The following ZNF454 variants were observed in gnomAD, a reference collection of about 807,000 sequenced individuals.
ZNF454 encodes zinc finger protein 454.
Under a neutral mutation model 48.2 loss-of-function variants are expected in ZNF454, and 30 were observed. The observed-to-expected ratio is 0.62, with a 90% CI of 0.47 to 0.84. The LOEUF is 0.84. ZNF454 is among the 40% of genes least tolerant of loss of function. ZNF454 has a pLI of 0.00. For synonymous variants in ZNF454, 204 were observed against 211.4 expected, an observed-to-expected ratio of 0.97 and a Z score of 0.30; for missense variants, 510 against 623.1, an observed-to-expected ratio of 0.82 and a Z score of 1.93.
intron 4 of ZNF454, among the ~76,000 whole-genome samples, chr5:178,959,736 G>A (rs1759921592): frequency 6.6e-6 from 1 of 151,640 alleles, no homozygotes; most frequent in Non-Finnish European, 1.5e-5. Flanking sequence ...CTCCTGAGTA[G>A]CTGGGACTAC....
chr5:178,983,481 G>T, the ZNF454 span: 6 of 669,408 alleles, frequency 9.0e-6, no homozygotes. Flanking sequence ...CGTATATGTT[G>T]GCAACATCAG....
chr5:178,985,458 C>T, the ZNF454 span, among the ~76,000 whole-genome samples: 53 of 151,276 alleles, frequency 3.5e-4, 1 homozygote, highest in South Asian at 9.0e-3. Context: ...CATCCCAGCA[C>T]TTTGGGAGGC....
At position 178,942,738 on chromosome 5, in the gene ZNF454, C is replaced by T. The variant is rs769594790; in HGVS notation, c.-54C>T. The T allele has an allele frequency of 2.5e-6, 4 of 1,610,618 alleles. No homozygotes were observed. Among genetic ancestry groups the T allele is most frequent in the Non-Finnish European group, 3.4e-6 (4 of 1,177,162 alleles). On this transcript the variant is annotated 5_prime_UTR_variant, in exon 2 of 5. Coordinates refer to ENST00000519564, the MANE Select transcript of ZNF454 (RefSeq NM_001178089.3). ...AGTCCTGCAGGTGTGAAGCTCCACA[C>T]CTGCCTCCATAGCACTTTGCCTGTC...
chr5:178,983,955 T>G, the ZNF454 span, among the ~76,000 whole-genome samples: 1 of 152,222 alleles, frequency 6.6e-6, no homozygotes, highest in Non-Finnish European at 1.5e-5. Context: ...CCAGCCTGCA[T>G]GCCAGTGCCA....
At chr5:178,948,593 G>A (rs1476705160) in intron 4 of ZNF454, among the ~76,000 whole-genome samples, 1 of 152,118 alleles carries the variant, frequency 6.6e-6, no homozygotes, top group African/African-American at 2.4e-5. Context: ...CCACAGTTCA[G>A]TGCATCTGGG....
At chr5:178,966,934 A>G (rs1408985991), downstream of ZNF454, among the ~76,000 whole-genome samples, 1 of 152,198 alleles carries the variant, frequency 6.6e-6, no homozygotes, top group Non-Finnish European at 1.5e-5. Flanking sequence ...AACTGTCTGC[A>G]TGGTGCCACC....
At chr5:178,985,824 C>T in the ZNF454 span, 946 of 525,576 alleles carry the variant, frequency 1.8e-3, 4 homozygotes, top group Admixed American at 2.9e-3. Flanking sequence ...TGTAGTGGTG[C>T]GATCTTGGCT....
the ZNF454 span, chr5:178,986,876 G>A: frequency 8.7e-6 from 14 of 1,613,834 alleles, no homozygotes; most frequent in Non-Finnish European, 1.2e-5. Flanking sequence ...CCCACTGCCT[G>A]GTACCCGCCA....
chr5:178,964,694 A>C lies in ZNF454; in HGVS notation c.290A>C (p.Lys97Thr). ...TMPASKKSTV[K>T]AEIPEEELDQ... Reference sequence around the variant, plus strand: ...CCTGCCAGTAAGAAATCTACTGTCAAGGCAGAGATTCCTGAAGAAGAATTG... The same window carrying C: ...CCTGCCAGTAAGAAATCTACTGTCACGGCAGAGATTCCTGAAGAAGAATTG... Residue 97 changes from lysine to threonine, a missense_variant, in exon 5 of 5, where the codon AAG becomes ACG. Lys to Thr is a moderately conservative substitution (Grantham distance 78). This residue lies in a region of ZNF454 where 354 missense variants were observed against 408.9 expected (regional missense o/e 0.87). Coordinates refer to ENST00000519564, the MANE Select transcript of ZNF454 (RefSeq NM_001178089.3). The C allele has an allele frequency of 6.2e-7, 1 of 1,614,202 alleles. No individual in the cohort carries two copies. The highest frequency in any genetic ancestry group is 8.5e-7 in the Non-Finnish European group (1 of 1,180,010).
In ZNF454 at chr5:178,946,788, A is replaced by C. The variant is rs907073338; in HGVS notation, c.161-109A>C. ...AACACACCTGACCCTGGGCTTTCCT[A>C]TCAAGTCCCATTTCCCAGCAAGCTC... is the stretch of plus-strand genomic sequence containing the variant. On this transcript the variant is annotated intron_variant, in intron 3 of 4. Transcript: ENST00000519564. This position sits in a 1 kb window ranked among gnomAD's most constrained non-coding sequence, Gnocchi z 4.5. 1 of 1,043,958 alleles carries C rather than the reference A, an allele frequency of 9.6e-7. No individual in the cohort carries two copies. Among genetic ancestry groups the C allele is most frequent in the African/African-American group, 1.6e-5 (1 of 62,906 alleles). The allele number at this position is 1,043,958 out of a possible 1,614,324, so 64.7% of individuals were successfully genotyped here.
chr5:178,986,163 C>CT, the ZNF454 span: 1 of 1,613,876 alleles, frequency 6.2e-7, no homozygotes, highest in Non-Finnish European at 8.5e-7. Flanking sequence ...TGATGACCAG[C>CT]TGTGAGGTGG....
chr5:178,947,075 C>T, intron 4 of ZNF454, 89 bp downstream of exon 4: 2 of 1,031,202 alleles, frequency 1.9e-6, no homozygotes, highest in South Asian at 1.4e-5. Context: ...TGCAGATGCA[C>T]CTGCCTGAGG....
the ZNF454 span, chr5:178,983,701 G>T: frequency 2.8e-6 from 1 of 356,530 alleles, no homozygotes; most frequent in Non-Finnish European, 5.6e-6. Flanking sequence ...GCACTCAGTG[G>T]GGAGGAGCAG....
chr5:178,963,914 C>T (rs1007651326), intron 4 of ZNF454, among the ~76,000 whole-genome samples: 41 of 151,770 alleles, frequency 2.7e-4, no homozygotes, highest in African/African-American at 8.7e-4. Flanking sequence ...TACCAAGTGT[C>T]GACTACTATT....
chr5:178,986,616 G>A, the ZNF454 span: 11 of 1,603,582 alleles, frequency 6.9e-6, no homozygotes, highest in Non-Finnish European at 8.5e-6. Flanking sequence ...CCTGGAAGCG[G>A]TACCCGTCAC....
At chr5:178,981,704 T>C in the ZNF454 span, 1 of 1,613,756 alleles carries the variant, frequency 6.2e-7, no homozygotes. This position sits in a 1 kb window ranked among gnomAD's most constrained non-coding sequence, Gnocchi z 5.1. Context: ...GCTGCCACCG[T>C]GGAGGTGGCC....
In ZNF454 at chr5:178,961,159, G is replaced by A. The variant is rs532678478; in HGVS notation, c.251-3496G>A. Among the ~76,000 whole-genome samples the A allele has an allele frequency of 1.1e-4, 16 of 151,488 alleles. 1 individual carries two copies. In the South Asian group the frequency reaches 3.3e-3, roughly 32 times the overall value. ...TTGGCCAGGATGGTCTCAATCTCTT[G>A]ACCTCGTGATCTGTCCGCCTCAGCC... On this transcript the variant is annotated intron_variant, in intron 4 of 4. Transcript: ENST00000519564.
In ZNF454 at chr5:178,943,164, A is replaced by G. The variant is rs149196410; in HGVS notation, c.33+340A>G. ...AGTCCCTTTTTACATTGCTCTAAATAAATATCTGAGGCTGGGGAATTGATA... is the reference window on the plus strand; with the variant it reads ...AGTCCCTTTTTACATTGCTCTAAATGAATATCTGAGGCTGGGGAATTGATA... On this transcript the variant is annotated intron_variant, in intron 2 of 4. Transcript: ENST00000519564. Among the ~76,000 whole-genome samples the G allele has an allele frequency of 3.6e-4, 55 of 152,304 alleles. 1 individual carries two copies. Among genetic ancestry groups the G allele is most frequent in the African/African-American group, 1.3e-3 (53 of 41,558 alleles).
the ZNF454 span, chr5:178,986,632 T>C: frequency 1.1e-5 from 18 of 1,602,778 alleles, no homozygotes; most frequent in Non-Finnish European, 1.0e-5. Context: ...GTCACAGGCC[T>C]CGCAGTGCCA....
Sources: allele counts gnomAD v4.1 joint callset (sites outside exome capture counted in the v4.1 genomes callset), GRCh38; gene constraint gnomAD v4.1.1; regional missense constraint gnomAD v4.1.1; non-coding constraint Gnocchi (gnomAD v3.1); transcripts MANE v1.5; gene names NCBI Gene and HGNC (gene_info 2026-07-23, HGNC 2026-07-21).